The following C5orf22 variants were observed in gnomAD, a reference collection of about 807,000 sequenced individuals.
C5orf22 encodes the protein UPF0489 protein C5orf22.
C5orf22 carries 36 observed loss-of-function variants against 48.7 expected under a neutral mutation model. The observed-to-expected ratio is 0.74, with a 90% confidence interval of 0.57 to 0.98. C5orf22 has a LOEUF of 0.98. C5orf22 is among the 50% of genes least tolerant of loss of function. C5orf22 has a pLI of 0.00. For missense variants in C5orf22, 486 were observed against 521.9 expected, an observed-to-expected ratio of 0.93 and a Z score of 0.67; for synonymous variants, 141 against 180.8, an observed-to-expected ratio of 0.78 and a Z score of 1.76.
chr5:31,544,012 C>A (rs1460780447), intron 6 of C5orf22, among the ~76,000 whole-genome samples: 1 of 152,062 alleles, frequency 6.6e-6, no homozygotes, highest in Non-Finnish European at 1.5e-5. Context: ...CTCCCCAAAC[C>A]AACCATGACC....
intron 1 of C5orf22, 121 bp downstream of exon 1, chr5:31,532,594 CT>C: frequency 2.5e-6 from 2 of 794,002 alleles, no homozygotes; most frequent in Non-Finnish European, 4.0e-6. Context: ...TTAAACTGCC[CT>C]ATTCCGTTGC....
At chr5:31,550,402 G>A (rs1286466919) in intron 7 of C5orf22, among the ~76,000 whole-genome samples, 1 of 152,102 alleles carries the variant, frequency 6.6e-6, no homozygotes, top group African/African-American at 2.4e-5. Flanking sequence ...GTAGCTTATG[G>A]TTATACATAA....
At chr5:31,549,168 A>G (rs1259828704) in intron 7 of C5orf22, among the ~76,000 whole-genome samples, 1 of 152,176 alleles carries the variant, frequency 6.6e-6, no homozygotes. Context: ...GCAGTGAGCC[A>G]AGATCATGCC....
intron 4 of C5orf22, 162 bp from the exon 5 acceptor site, chr5:31,540,787 A>G (rs1384363473): frequency 3.4e-6 from 2 of 584,548 alleles, no homozygotes; most frequent in Non-Finnish European, 6.2e-6. Context: ...TACAATAAAA[A>G]TCTAAAGTAT....
At chr5:31,535,674 G>A in intron 2 of C5orf22, 70 bp from the exon 3 acceptor site, 1 of 1,271,404 alleles carries the variant, frequency 7.9e-7, no homozygotes, top group Non-Finnish European at 1.1e-6. Flanking sequence ...TTAAAATGTT[G>A]TGGATAAAAT....
At chr5:31,536,287 G>A (rs1013380169) in intron 3 of C5orf22, among the ~76,000 whole-genome samples, 4 of 152,160 alleles carry the variant, frequency 2.6e-5, no homozygotes, top group African/African-American at 7.2e-5. Context: ...TTGGGAGGCC[G>A]AGGTGGGCAG....
At chr5:31,542,480 C>CAAAAAAAAAAAA (rs1742534905) in intron 6 of C5orf22, among the ~76,000 whole-genome samples, 6 of 88,232 alleles carry the variant, frequency 6.8e-5, no homozygotes, top group Non-Finnish European at 1.1e-4. Flanking sequence ...AAAAAAAAAG[C>CAAAAAAAAAAAA]GAAAACTTAG....
At chr5:31,544,813 A>G (rs1742747593) in intron 6 of C5orf22, among the ~76,000 whole-genome samples, 1 of 151,246 alleles carries the variant, frequency 6.6e-6, no homozygotes, top group African/African-American at 2.4e-5. Context: ...GTGTTCACTT[A>G]TAGTCCCAGC....
chr5:31,538,426 C>G lies in C5orf22; in HGVS notation c.544C>G (p.Leu182Val), dbSNP rs1166001498. 6.2e-7 allele frequency: 1 copy of G among 1,614,188 alleles called. No individual in the cohort carries two copies. The highest frequency in any genetic ancestry group is 1.1e-5 in the South Asian group (1 of 91,072). The change falls in exon 4 of 9, where the codon CTA (leucine) becomes GTA (valine). Residue 182 changes from leucine (L) to valine (V), a missense_variant. Around this residue, in one of 3 missense-constraint regions of C5orf22, gnomAD observed 408 missense variants for 444.0 expected, o/e 0.92. Coordinates refer to ENST00000325366, the MANE Select transcript of C5orf22 (RefSeq NM_018356.3). ...DAVSSAKKPK[L>V]ALEDSENTAS... ...AGTGTCTTCTGCTAAGAAACCAAAG[C>G]TAGCCCTGGAAGATTCGGAAAACAC...
At chr5:31,534,673 CACA>C (rs1741967417) in intron 2 of C5orf22, 1 of 423,396 alleles carries the variant, frequency 2.4e-6, no homozygotes, top group African/African-American at 2.0e-5. Flanking sequence ...TGAAAGCAAT[CACA>C]AGCACTGTGT....
intron 6 of C5orf22, among the ~76,000 whole-genome samples, chr5:31,544,708 G>A (rs1742736142): frequency 6.6e-6 from 1 of 152,202 alleles, no homozygotes; most frequent in South Asian, 2.1e-4. Flanking sequence ...GGCTAAGGTG[G>A]AAGGCTTACT....
rs1743385436 is a variant in C5orf22 at position 31,553,074 on chromosome 5, T to C, written c.*172T>C. On this transcript the variant is annotated 3_prime_UTR_variant, in exon 9 of 9. Transcript: ENST00000325366. The stretch of plus-strand genomic sequence containing the variant: ...ATTGTCAGTTGTGAATGATGGTAAA[T>C]TTTTTGGCATCAAGTCTCATAACCC... 2 of 570,698 alleles carry C rather than the reference T, an allele frequency of 3.5e-6. No homozygotes were observed. Among genetic ancestry groups the C allele is most frequent in the South Asian group, 6.2e-5 (2 of 32,456 alleles). 35.4% of individuals were successfully genotyped at this position (570,698 alleles called of 1,614,324 possible). A position where few individuals can be genotyped will look rare whatever the true frequency, so the allele number is the denominator to read the frequency against.
At chr5:31,539,835 G>C (rs998638286) in intron 4 of C5orf22, among the ~76,000 whole-genome samples, 1 of 151,988 alleles carries the variant, frequency 6.6e-6, no homozygotes, top group Admixed American at 6.6e-5. Flanking sequence ...TTGAGCCAAG[G>C]AGTTTGAGAA....
chr5:31,550,272 A>G (rs6878890), intron 7 of C5orf22, among the ~76,000 whole-genome samples: 27,306 of 152,200 alleles, frequency 0.18, 2,610 homozygotes, highest in Middle Eastern at 0.24. Context: ...TTTTCAAAAC[A>G]TTAAAGTTAA....
At chr5:31,537,293 CAT>C (rs900870839) in intron 3 of C5orf22, among the ~76,000 whole-genome samples, 8 of 152,148 alleles carry the variant, frequency 5.3e-5, no homozygotes, top group African/African-American at 1.7e-4. Context: ...GGAAGAGACA[CAT>C]ATACATGTTG....
chr5:31,548,040 G>A (rs529298505), intron 7 of C5orf22, among the ~76,000 whole-genome samples: 35 of 152,244 alleles, frequency 2.3e-4, no homozygotes, highest in African/African-American at 7.2e-4. Flanking sequence ...AGTGGTTCAC[G>A]CCTATAATCC....
intron 7 of C5orf22, among the ~76,000 whole-genome samples, chr5:31,550,298 G>A (rs1475653193): frequency 6.6e-6 from 1 of 152,190 alleles, no homozygotes; most frequent in Admixed American, 6.5e-5. Context: ...CAGAATGGTA[G>A]CATGTGAGCC....
intron 6 of C5orf22, 115 bp downstream of exon 6, chr5:31,541,517 A>T (rs987348948): frequency 9.6e-6 from 11 of 1,147,022 alleles, no homozygotes; most frequent in African/African-American, 1.5e-5. Flanking sequence ...TACTTGGGAC[A>T]CTGAGGCAGG....
rs1298118342 is a variant in C5orf22 at position 31,555,039 on chromosome 5, T to C, written c.*2137T>C. On this transcript the variant is annotated 3_prime_UTR_variant, in exon 9 of 9. Transcript: ENST00000325366. Reference sequence around the variant, plus strand: ...ATATCATTAAAGCATGGGATTTTAGTGGCTTTTTAAAAAATGTGACTTAAG... The same window carrying C: ...ATATCATTAAAGCATGGGATTTTAGCGGCTTTTTAAAAAATGTGACTTAAG... 6.6e-6 allele frequency: 1 copy of C among 152,200 alleles called. No homozygotes were observed. The highest frequency in any genetic ancestry group is 2.4e-5 in the African/African-American group (1 of 41,446). The allele number at this position is 152,200 out of a possible 1,614,324, so 9.4% of individuals were successfully genotyped here. A position where few individuals can be genotyped will look rare whatever the true frequency, so the allele number is the denominator to read the frequency against.
Sources: allele counts gnomAD v4.1 joint callset (sites outside exome capture counted in the v4.1 genomes callset), GRCh38; gene constraint gnomAD v4.1.1; regional missense constraint gnomAD v4.1.1; transcripts MANE v1.5; gene names NCBI Gene and HGNC (gene_info 2026-07-23, HGNC 2026-07-21).